ROBO2: variants seen among roughly 807,000 people sequenced by gnomAD.
ROBO2 encodes the protein roundabout homolog 2.
ROBO2 carries 53 observed loss-of-function variants against 160.8 expected under a neutral mutation model. The ratio of observed to expected loss-of-function variants is 0.33; its 90% CI spans 0.26 to 0.41. The LOEUF (loss-of-function observed/expected upper bound fraction) is 0.41. Among genes scored for constraint, ROBO2 ranks in the 10% least tolerant of loss-of-function variants. The pLI is 1.00. For synonymous variants in ROBO2, 664 were observed against 611.7 expected, an observed-to-expected ratio of 1.09 and a Z score of -1.26; for missense variants, 1,577 against 1,722.4, an observed-to-expected ratio of 0.92 and a Z score of 1.49.
At chr3:76,392,011 CAT>C (rs2077177488) in intron 2 of ROBO2, among the ~76,000 whole-genome samples, 1 of 152,088 alleles carries the variant, frequency 6.6e-6, no homozygotes, top group Admixed American at 6.6e-5. Flanking sequence ...AAAAATTAAA[CAT>C]ATATATGAGC....
At chr3:77,543,160 T>C (rs1407728416) in intron 6 of ROBO2, among the ~76,000 whole-genome samples, 1 of 152,142 alleles carries the variant, frequency 6.6e-6, no homozygotes, top group Non-Finnish European at 1.5e-5. Flanking sequence ...TTTCTCTTTT[T>C]TTTTCTCACA....
intron 5 of ROBO2, among the ~76,000 whole-genome samples, chr3:77,504,112 C>T (rs954370222): frequency 3.3e-5 from 5 of 152,014 alleles, no homozygotes; most frequent in African/African-American, 9.6e-5. Flanking sequence ...GAGTCCTTGC[C>T]GAGAAATTAG....
chr3:76,463,298 G>A (rs2078184433), intron 2 of ROBO2, among the ~76,000 whole-genome samples: 1 of 151,764 alleles, frequency 6.6e-6, no homozygotes, highest in African/African-American at 2.4e-5. Flanking sequence ...TTCTTCCCTA[G>A]AAAGAGAGGT....
intron 2 of ROBO2, among the ~76,000 whole-genome samples, chr3:77,235,443 C>A (rs931774238): frequency 1.6e-4 from 24 of 151,588 alleles, no homozygotes; most frequent in Admixed American, 1.6e-3. Context: ...AGCTCTGCCT[C>A]CCGGGTTCAC....
At chr3:76,056,158 T>G (rs1222468242) in intron 2 of ROBO2, among the ~76,000 whole-genome samples, 3 of 152,202 alleles carry the variant, frequency 2.0e-5, no homozygotes, top group Non-Finnish European at 4.4e-5. Flanking sequence ...GTATTAAGTA[T>G]TATAACAACT....
upstream of ROBO2, among the ~76,000 whole-genome samples, chr3:77,037,632 C>T (rs1231858489): frequency 1.3e-5 from 2 of 152,170 alleles, no homozygotes; most frequent in Non-Finnish European, 2.9e-5. Context: ...AGGCTGATCT[C>T]GCCCAATCTA....
intron 19 of ROBO2, among the ~76,000 whole-genome samples, chr3:77,597,074 G>A (rs976592021): frequency 3.3e-5 from 5 of 151,874 alleles, no homozygotes; most frequent in Non-Finnish European, 5.9e-5. Context: ...AGGGCTTATG[G>A]TTTTGGACTA....
At chr3:76,825,603 C>CAAAAAAAAAAAAAAAAAAAAA (rs201063990) in intron 2 of ROBO2, among the ~76,000 whole-genome samples, 1 of 72,506 alleles carries the variant, frequency 1.4e-5, no homozygotes, top group African/African-American at 8.5e-5. Flanking sequence ...TCATCTTAGC[C>CAAAAAAAAAAAAAAAAAAAAA]AAAAAAAAAA....
chr3:77,096,169 C>T (rs1271784246), intron 1 of ROBO2, among the ~76,000 whole-genome samples: 2 of 152,104 alleles, frequency 1.3e-5, no homozygotes, highest in Non-Finnish European at 2.9e-5. Context: ...TTACTGCTAT[C>T]TGTTGAAGAG....
chr3:77,224,960 A>G lies in ROBO2; in HGVS notation c.388+126620A>G, dbSNP rs111928312. On this transcript the variant is annotated intron_variant, in intron 2 of 25. Coordinates refer to ENST00000461745, the Ensembl canonical transcript of ROBO2. ...TTTAAATTGTAGCTATAGGTTTAAC[A>G]TAAATAGCCAAATTTATCATTATAT... Among the ~76,000 whole-genome samples the G allele has an allele frequency of 2.8e-3, 431 of 152,048 alleles. 3 individuals are homozygous for G. Among genetic ancestry groups the G allele is most frequent in the African/African-American group, 9.9e-3 (413 of 41,560 alleles).
In ROBO2 at chr3:76,815,064, A is replaced by G. The variant is rs182507486; in HGVS notation, c.110-282950A>G. 1.7e-3 allele frequency among the ~76,000 whole-genome samples: 252 copies of G among 152,182 alleles called. 2 individuals carry two copies. Among genetic ancestry groups the G allele is most frequent in the African/African-American group, 5.7e-3 (237 of 41,552 alleles). On this transcript the variant is annotated intron_variant, in intron 2 of 26. Transcript: ENST00000487694. ...TGAAATTAGAAGTTGTGAGCAGAAA[A>G]TTAAAAAAGGGCTACATGTTACATT...
chr3:76,377,433 C>T (rs2076401538), intron 2 of ROBO2, among the ~76,000 whole-genome samples: 1 of 152,034 alleles, frequency 6.6e-6, no homozygotes, highest in African/African-American at 2.4e-5. Context: ...TGCAAGAGTC[C>T]TGCACACAGA....
intron 1 of ROBO2, among the ~76,000 whole-genome samples, chr3:77,061,906 ACC>A (rs1578631876): frequency 6.6e-6 from 1 of 152,180 alleles, no homozygotes; most frequent in East Asian, 1.9e-4. Context: ...TATAAAGCAG[ACC>A]TGGTTGATCT....
intron 2 of ROBO2, among the ~76,000 whole-genome samples, chr3:76,448,092 A>G (rs2077290412): frequency 6.6e-6 from 1 of 151,986 alleles, no homozygotes; most frequent in Non-Finnish European, 1.5e-5. Flanking sequence ...AATAAAACAA[A>G]AAAAGAAAAA....
At chr3:76,119,893 TTCCTTCCCTTCCTTCCC>T (rs1284757952) in intron 2 of ROBO2, among the ~76,000 whole-genome samples, 73 of 120,944 alleles carry the variant, frequency 6.0e-4, no homozygotes, top group African/African-American at 2.2e-3. Context: ...TTCCCTTCCC[TTCCTTCCCTTCCTTCCC>T]TCCCTCCCTT....
At chr3:76,503,191 G>A (rs1278829301) in intron 2 of ROBO2, among the ~76,000 whole-genome samples, 1 of 152,114 alleles carries the variant, frequency 6.6e-6, no homozygotes, top group African/African-American at 2.4e-5. Flanking sequence ...TCCAGCATGG[G>A]AGAAAGATGT....
intron 2 of ROBO2, among the ~76,000 whole-genome samples, chr3:77,220,032 A>G (rs1339061732): frequency 6.6e-6 from 1 of 151,964 alleles, no homozygotes; most frequent in African/African-American, 2.4e-5. Context: ...TTGCTTTGAG[A>G]TGGAGTCTCA....
intron 2 of ROBO2, among the ~76,000 whole-genome samples, chr3:76,647,139 G>C (rs545661856): frequency 6.6e-6 from 1 of 152,172 alleles, no homozygotes; most frequent in Non-Finnish European, 1.5e-5. Flanking sequence ...GTCAGAGTAG[G>C]GGTCGCATGG....
chr3:77,216,070 A>C (rs1468019591), intron 2 of ROBO2, among the ~76,000 whole-genome samples: 2 of 152,146 alleles, frequency 1.3e-5, no homozygotes, highest in Non-Finnish European at 2.9e-5. Context: ...TCAGATCTCC[A>C]GCTGCATGCT....
Sources: gnomAD v4.1 joint callset for allele counts (sites outside exome capture counted in the v4.1 genomes callset) on GRCh38, gnomAD v4.1.1 for gene constraint, MANE v1.5 for transcripts, NCBI Gene and HGNC (gene_info 2026-07-23, HGNC 2026-07-21) for gene names.